Variants in KLHL1 observed in about 807,000 individuals in gnomAD.
KLHL1 encodes kelch-like protein 1.
In KLHL1, 47 loss-of-function variants were observed where a neutral mutation model predicts 77.7. The observed-to-expected ratio is 0.60, with a 90% CI of 0.48 to 0.77. The LOEUF is 0.77. Among genes scored for constraint, KLHL1 ranks in the 30% least tolerant of loss-of-function variants. The pLI is 0.00. For synonymous variants in KLHL1, 360 were observed against 325.2 expected, an observed-to-expected ratio of 1.11 and a Z score of -1.15; for missense variants, 925 against 910.8, an observed-to-expected ratio of 1.02 and a Z score of -0.20.
chr13:69,821,524 A>G lies in KLHL1; in HGVS notation c.1414+17452T>C, dbSNP rs1344815881. 3.9e-5 allele frequency among the ~76,000 whole-genome samples: 6 copies of G among 152,114 alleles called. No individual in the cohort carries two copies. The East Asian group carries it at 1.2e-3, about 29-fold the overall frequency. ...GAAATGGGGTTTCATCATGTTGGCC[A>G]GGCTGGTCTCGAACTCCTGACCTCA... is the stretch of plus-strand genomic sequence containing the variant. On this transcript the variant is annotated intron_variant, in intron 6 of 10. Transcript: ENST00000377844.
chr13:69,824,594 C>T (rs1025958252), intron 6 of KLHL1, among the ~76,000 whole-genome samples: 1 of 151,964 alleles, frequency 6.6e-6, no homozygotes, highest in African/African-American at 2.4e-5. Context: ...GGGATATGCA[C>T]AACATAAATG....
chr13:70,098,237 C>T (rs987854997), intron 1 of KLHL1, among the ~76,000 whole-genome samples: 9 of 149,772 alleles, frequency 6.0e-5, no homozygotes, highest in African/African-American at 2.2e-4. Flanking sequence ...GTAAGGCTGA[C>T]TTGGTGACCT....
intron 1 of KLHL1, among the ~76,000 whole-genome samples, chr13:70,025,197 G>A (rs1885910340): frequency 6.6e-6 from 1 of 151,964 alleles, no homozygotes; most frequent in Admixed American, 6.6e-5. Context: ...ATTTGGTCCA[G>A]AATTGTATAC....
chr13:69,902,757 G>C (rs1226987721), intron 4 of KLHL1, among the ~76,000 whole-genome samples: 1 of 142,340 alleles, frequency 7.0e-6, no homozygotes, highest in Non-Finnish European at 1.5e-5. Context: ...GTCTGTTGTA[G>C]GGTTGGGGGA....
At chr13:69,769,952 T>C (rs866958844) in intron 7 of KLHL1, among the ~76,000 whole-genome samples, 1 of 152,122 alleles carries the variant, frequency 6.6e-6, no homozygotes, top group African/African-American at 2.4e-5. Context: ...TGCCAGACTA[T>C]GGGAGTGAAC....
chr13:69,790,329 C>T (rs1414471137), intron 7 of KLHL1, among the ~76,000 whole-genome samples: 1 of 152,180 alleles, frequency 6.6e-6, no homozygotes, highest in Non-Finnish European at 1.5e-5. Flanking sequence ...ATCTACAGAA[C>T]AGTGAGGTTT....
intron 1 of KLHL1, among the ~76,000 whole-genome samples, chr13:70,078,333 C>T (rs1887312096): frequency 1.3e-5 from 2 of 151,972 alleles, no homozygotes; most frequent in African/African-American, 2.4e-5. Flanking sequence ...TTTTCATCCA[C>T]AAAAATAAGG....
At chr13:69,995,946 C>T (rs1182507905) in intron 1 of KLHL1, among the ~76,000 whole-genome samples, 1 of 152,164 alleles carries the variant, frequency 6.6e-6, no homozygotes, top group African/African-American at 2.4e-5. Flanking sequence ...AGGCACCTAA[C>T]ACAGTGCTAC....
chr13:69,879,458 G>A (rs1370420102), intron 5 of KLHL1, among the ~76,000 whole-genome samples: 1 of 151,818 alleles, frequency 6.6e-6, no homozygotes, highest in Non-Finnish European at 1.5e-5. Flanking sequence ...CATCTCATGT[G>A]CATGTGTAAA....
At chr13:69,786,761 C>T (rs540730131) in intron 7 of KLHL1, among the ~76,000 whole-genome samples, 149 of 152,224 alleles carry the variant, frequency 9.8e-4, no homozygotes, top group African/African-American at 3.4e-3. Flanking sequence ...GAAAACCTCA[C>T]TGTCTCAGCC....
chr13:69,729,803 C>T (rs9572252), intron 8 of KLHL1, among the ~76,000 whole-genome samples: 34,174 of 151,944 alleles, frequency 0.22, 4,020 homozygotes, highest in South Asian at 0.32. Context: ...CCATTCAAAA[C>T]ATTTTCACAG....
intron 4 of KLHL1, among the ~76,000 whole-genome samples, chr13:69,888,202 C>T (rs1161679123): frequency 6.6e-6 from 1 of 152,098 alleles, no homozygotes; most frequent in Admixed American, 6.6e-5. Context: ...TCCCATTTAT[C>T]AAGGCAGAGC....
At chr13:70,036,774 T>G (rs530294098) in intron 1 of KLHL1, among the ~76,000 whole-genome samples, 1 of 151,816 alleles carries the variant, frequency 6.6e-6, no homozygotes, top group African/African-American at 2.4e-5. Flanking sequence ...ATCCCACTTT[T>G]CTTGTTTCCT....
At chr13:70,008,498 AC>A (rs1403265559) in intron 1 of KLHL1, among the ~76,000 whole-genome samples, 1 of 152,068 alleles carries the variant, frequency 6.6e-6, no homozygotes, top group Non-Finnish European at 1.5e-5. Flanking sequence ...TTGGCTATGC[AC>A]CCAAATATGC....
In KLHL1 at chr13:69,801,847, CATTG is replaced by C. The variant is rs1293827356; in HGVS notation, c.1415-4889_1415-4886del. Reference sequence around the variant, plus strand: ...TATTAGAAATAATTCCTACAATGCCCATTGATTATTTTCTTTTTATTATTTTTTA... The same window carrying C: ...TATTAGAAATAATTCCTACAATGCCCATTATTTTCTTTTTATTATTTTTTA... On this transcript the variant is annotated intron_variant, in intron 6 of 10. Coordinates refer to ENST00000377844, the MANE Select transcript of KLHL1 (RefSeq NM_020866.3). 7.2e-5 allele frequency among the ~76,000 whole-genome samples: 11 copies of C among 152,082 alleles called. No homozygotes were observed. In the East Asian group the frequency reaches 9.7e-4, roughly 13 times the overall value.
intron 4 of KLHL1, among the ~76,000 whole-genome samples, chr13:69,909,277 A>C (rs1209105344): frequency 6.6e-6 from 1 of 151,902 alleles, no homozygotes; most frequent in Non-Finnish European, 1.5e-5. Flanking sequence ...GCACAGAATA[A>C]GCACACTTAC....
At chr13:69,783,160 A>C (rs9564612) in intron 7 of KLHL1, among the ~76,000 whole-genome samples, 73,910 of 151,692 alleles carry the variant, frequency 0.49, 19,247 homozygotes, top group African/African-American at 0.67. Flanking sequence ...GACATCCACA[A>C]CAAAAACCCT....
chr13:69,797,044 G>A (rs1006316273), intron 6 of KLHL1, 82 bp from the exon 7 acceptor site: 17 of 1,085,888 alleles, frequency 1.6e-5, no homozygotes, highest in Non-Finnish European at 2.1e-5. Flanking sequence ...AAATTAGGAT[G>A]TGAAAACACT....
chr13:70,070,446 G>T (rs1683468814), intron 1 of KLHL1, among the ~76,000 whole-genome samples: 1 of 151,790 alleles, frequency 6.6e-6, no homozygotes, highest in Admixed American at 6.6e-5. Flanking sequence ...AAAGAGAGTG[G>T]AGTAAAATAT....
Sources: gnomAD v4.1 joint callset for allele counts (sites outside exome capture counted in the v4.1 genomes callset) on GRCh38, gnomAD v4.1.1 for gene constraint, MANE v1.5 for transcripts, NCBI Gene and HGNC (gene_info 2026-07-23, HGNC 2026-07-21) for gene names.